The following RLF variants were observed in gnomAD, a reference collection of about 807,000 sequenced individuals.
RLF encodes the protein RLF zinc finger.
A neutral mutation model predicts 162.9 loss-of-function variants in RLF; 7 were observed. The observed-to-expected ratio is 0.04, with a 90% CI of 0.02 to 0.08. The LOEUF (loss-of-function observed/expected upper bound fraction) is 0.08. RLF is among the 10% of genes least tolerant of loss of function. The pLI, the probability that RLF is intolerant of heterozygous loss-of-function variation, is 1.00. For synonymous variants in RLF, 782 were observed against 791.5 expected (o/e 0.99, Z 0.20); for missense variants, 1,664 against 2,244.7 (o/e 0.74, Z 5.23).
At chr1:40,228,753 TG>T (rs1643113836) in intron 6 of RLF, among the ~76,000 whole-genome samples, 2 of 152,066 alleles carry the variant, frequency 1.3e-5, no homozygotes, top group African/African-American at 4.8e-5. Context: ...TCCAAGTATC[TG>T]GGATTATAGG....
At chr1:40,163,513 A>G (rs1242291261) in intron 1 of RLF, among the ~76,000 whole-genome samples, 1 of 152,162 alleles carries the variant, frequency 6.6e-6, no homozygotes, top group Non-Finnish European at 1.5e-5. Context: ...TAATGTTTTA[A>G]TGTCTTGAGT....
At chr1:40,215,146 A>G (rs759484237) in intron 5 of RLF, among the ~76,000 whole-genome samples, 1 of 152,136 alleles carries the variant, frequency 6.6e-6, no homozygotes, top group Non-Finnish European at 1.5e-5. Flanking sequence ...CCCAAAATGC[A>G]TGAAATAGCA....
chr1:40,168,970 G>T (rs1375261028), intron 1 of RLF, among the ~76,000 whole-genome samples: 3 of 152,010 alleles, frequency 2.0e-5, no homozygotes, highest in Non-Finnish European at 4.4e-5. Context: ...TCCATCCTGG[G>T]CAACAAGAGC....
At chr1:40,182,213 C>T (rs533839058) in intron 1 of RLF, among the ~76,000 whole-genome samples, 1 of 152,132 alleles carries the variant, frequency 6.6e-6, no homozygotes, top group South Asian at 2.1e-4. Context: ...GTGAGCAGAT[C>T]ACGAGGTCAA....
chr1:40,198,301 CTTTTTTTTTTT>C (rs34816285), intron 4 of RLF, among the ~76,000 whole-genome samples: 1 of 123,806 alleles, frequency 8.1e-6, no homozygotes, highest in Admixed American at 8.5e-5. Context: ...CGCCCGGCCT[CTTTTTTTTTTT>C]TTTTTTTTAA....
At chr1:40,205,742 C>G (rs980337115) in intron 5 of RLF, among the ~76,000 whole-genome samples, 3 of 152,194 alleles carry the variant, frequency 2.0e-5, no homozygotes, top group Admixed American at 2.0e-4. Context: ...CCGCTCGCCT[C>G]TGTTTCCCAA....
chr1:40,195,956 C>T (rs1642630008), intron 4 of RLF, among the ~76,000 whole-genome samples, 192 bp downstream of exon 4: 1 of 152,148 alleles, frequency 6.6e-6, no homozygotes, highest in Non-Finnish European at 1.5e-5. Context: ...TTTTAAGTCC[C>T]TTTACACTCA....
rs1311641330 is a variant in RLF at position 40,161,792 on chromosome 1, C to T, written c.237+156C>T. 6.6e-6 allele frequency among the ~76,000 whole-genome samples: 1 copy of T among 152,202 alleles called. No individual in the cohort carries two copies. Among genetic ancestry groups the T allele is most frequent in the African/African-American group, 2.4e-5 (1 of 41,458 alleles). On this transcript the variant is annotated intron_variant, in intron 1 of 7. Transcript: ENST00000372771. This position sits in a 1 kb window ranked among gnomAD's most constrained non-coding sequence, Gnocchi z 4.4. ...GGAAGGCCCAGCTCGGAAGCTCGACCGCTGGCCCCCCTGCGCCACTGCCCG... is the reference window on the plus strand; with the variant it reads ...GGAAGGCCCAGCTCGGAAGCTCGACTGCTGGCCCCCCTGCGCCACTGCCCG...
chr1:40,233,484 C>T (rs1643177977), intron 7 of RLF, among the ~76,000 whole-genome samples: 1 of 152,136 alleles, frequency 6.6e-6, no homozygotes, highest in Non-Finnish European at 1.5e-5. Flanking sequence ...GCTGACTTTC[C>T]CCAAGTCCTC....
intron 5 of RLF, among the ~76,000 whole-genome samples, chr1:40,203,208 G>A (rs572863544): frequency 2.2e-4 from 32 of 147,066 alleles, no homozygotes; most frequent in African/African-American, 7.3e-4. Context: ...TCTGCCTCCC[G>A]GGTTCAAGTG....
At chr1:40,211,946 C>T (rs1351605110) in intron 5 of RLF, among the ~76,000 whole-genome samples, 4 of 152,172 alleles carry the variant, frequency 2.6e-5, no homozygotes, top group African/African-American at 9.7e-5. Flanking sequence ...AGTCTCTTAT[C>T]CTAGTGATAC....
chr1:40,224,861 C>T lies in RLF; in HGVS notation c.947+2151C>T, dbSNP rs371088527. 2.0e-5 allele frequency among the ~76,000 whole-genome samples: 3 copies of T among 151,548 alleles called. No individual in the cohort carries two copies. In the South Asian group the frequency reaches 6.3e-4, roughly 32 times the overall value. Reference sequence around the variant, plus strand: ...AATTAGCCGGGCATTTTGGCAGACACCTGTAATCCCAGCTACTCGGGAGCC... The same window carrying T: ...AATTAGCCGGGCATTTTGGCAGACATCTGTAATCCCAGCTACTCGGGAGCC... On this transcript the variant is annotated intron_variant, in intron 6 of 7. Coordinates refer to ENST00000372771, the MANE Select transcript of RLF (RefSeq NM_012421.4).
intron 7 of RLF, among the ~76,000 whole-genome samples, chr1:40,234,918 T>G (rs1462247521): frequency 6.6e-6 from 1 of 152,198 alleles, no homozygotes; most frequent in Non-Finnish European, 1.5e-5. Flanking sequence ...TGATTTCTGT[T>G]TTTTCCCTGG....
rs1280580601 is a variant in RLF at position 40,190,863 on chromosome 1, T to A, written c.474+10T>A. The A allele has an allele frequency of 6.3e-7, 1 of 1,588,378 alleles. No homozygotes were observed. The highest frequency in any genetic ancestry group is 1.1e-5 in the South Asian group (1 of 87,730). On this transcript the variant is annotated intron_variant, in intron 3 of 7. Coordinates refer to ENST00000372771, the MANE Select transcript of RLF (RefSeq NM_012421.4). ...CCTTCAGTCTCTACAGGTGAGTTGA[T>A]TTTAACTCAGAAAAGTTTTCTGTAT...
chr1:40,182,752 GGTAGA>G (rs1442768572), intron 1 of RLF, among the ~76,000 whole-genome samples: 127 of 115,330 alleles, frequency 1.1e-3, no homozygotes, highest in African/African-American at 3.0e-3. Context: ...CAGATAGATA[GGTAGA>G]TAGATAGATA....
chr1:40,198,037 C>G (rs1642660447), intron 4 of RLF, among the ~76,000 whole-genome samples: 1 of 151,946 alleles, frequency 6.6e-6, no homozygotes, highest in African/African-American at 2.4e-5. Context: ...GAGTTTCGCT[C>G]TTATTACTCA....
chr1:40,195,937 C>G (rs1435095669), intron 4 of RLF, among the ~76,000 whole-genome samples, 173 bp downstream of exon 4: 1 of 152,178 alleles, frequency 6.6e-6, no homozygotes, highest in East Asian at 1.9e-4. Context: ...AGGATTCTTG[C>G]ACTGTTAGTT....
intron 7 of RLF, among the ~76,000 whole-genome samples, chr1:40,232,809 A>G (rs1190147021): frequency 1.3e-5 from 2 of 152,100 alleles, no homozygotes; most frequent in East Asian, 1.9e-4. Context: ...GGCTCAAGCA[A>G]TCCTCCCGTC....
At chr1:40,220,424 A>G (rs753760036) in intron 5 of RLF, among the ~76,000 whole-genome samples, 7 of 152,074 alleles carry the variant, frequency 4.6e-5, no homozygotes, top group Non-Finnish European at 7.4e-5. Flanking sequence ...TCTCTTTGCC[A>G]TGGCTTATTC....
Sources: gnomAD v4.1 joint callset for allele counts (sites outside exome capture counted in the v4.1 genomes callset) on GRCh38, gnomAD v4.1.1 for gene constraint, Gnocchi (gnomAD v3.1) non-coding constraint, MANE v1.5 for transcripts, NCBI Gene and HGNC (gene_info 2026-07-23, HGNC 2026-07-21) for gene names.